EQTN: variants seen among roughly 807,000 people sequenced by gnomAD.
EQTN encodes the protein Acrosome formation associated factor.
A neutral mutation model predicts 26.9 loss-of-function variants in EQTN; 29 were observed. The ratio of observed to expected loss-of-function variants is 1.08; its 90% CI spans 0.80 to 1.47. EQTN has a LOEUF of 1.47. EQTN is among the 40% of genes most tolerant of loss of function. The pLI is 0.00. For missense variants in EQTN, 391 were observed against 346.1 expected (o/e 1.13, Z -1.03); for synonymous variants, 129 against 120.0 (o/e 1.07, Z -0.49).
At chr9:27,285,522 T>C (rs997430348) in intron 7 of EQTN, among the ~76,000 whole-genome samples, 2 of 152,192 alleles carry the variant, frequency 1.3e-5, no homozygotes, top group South Asian at 2.1e-4. Context: ...TATAAACCAA[T>C]TTACTAAAAC....
intron 7 of EQTN, among the ~76,000 whole-genome samples, chr9:27,285,644 G>A (rs10967860): frequency 0.3 from 45,778 of 152,024 alleles, 7,570 homozygotes; most frequent in African/African-American, 0.43. Flanking sequence ...TACACCATTC[G>A]TCAAAAACAG....
intron 6 of EQTN, among the ~76,000 whole-genome samples, chr9:27,288,353 T>C (rs1213602964): frequency 6.6e-6 from 1 of 152,098 alleles, no homozygotes; most frequent in Non-Finnish European, 1.5e-5. Flanking sequence ...TGATTGCTGG[T>C]GAGAATTCCA....
chr9:27,290,057 T>C (rs951808666), intron 5 of EQTN, among the ~76,000 whole-genome samples: 2 of 152,184 alleles, frequency 1.3e-5, no homozygotes, highest in South Asian at 4.1e-4. Context: ...ACTGAACTCA[T>C]AGAAAACAGC....
intron 2 of EQTN, 27 bp from the exon 3 acceptor site, chr9:27,294,429 C>T (rs372293257): frequency 3.5e-6 from 5 of 1,439,776 alleles, no homozygotes; most frequent in Non-Finnish European, 4.8e-6. Context: ...AAGTCTTCAG[C>T]AACTAGCTAA....
At chr9:27,296,930 G>A in intron 1 of EQTN, 50 bp downstream of exon 1, 1 of 1,596,282 alleles carries the variant, frequency 6.3e-7, no homozygotes. Flanking sequence ...ATGATTATGG[G>A]TCATCCTTCT....
At chr9:27,287,672 T>C (rs1258972858) in intron 6 of EQTN, among the ~76,000 whole-genome samples, 1 of 152,166 alleles carries the variant, frequency 6.6e-6, no homozygotes, top group Non-Finnish European at 1.5e-5. Context: ...AACAATAAAA[T>C]CAGTCAAGCT....
chr9:27,290,922 T>C (rs1437588632), intron 5 of EQTN, 97 bp downstream of exon 5: 2 of 955,758 alleles, frequency 2.1e-6, no homozygotes, highest in African/African-American at 1.7e-5. Flanking sequence ...TGTTGACTTA[T>C]TGTCTCAGTA....
At chr9:27,291,400 T>C (rs1563832217) in intron 4 of EQTN, among the ~76,000 whole-genome samples, 1 of 152,190 alleles carries the variant, frequency 6.6e-6, no homozygotes, top group Non-Finnish European at 1.5e-5. Flanking sequence ...GATGTTCCAA[T>C]ATAAGCTTAG....
At chr9:27,287,514 A>G (rs1312010700) in intron 6 of EQTN, among the ~76,000 whole-genome samples, 1 of 152,230 alleles carries the variant, frequency 6.6e-6, no homozygotes, top group Non-Finnish European at 1.5e-5. Context: ...AAGTGACAGA[A>G]AAGCTAGTTA....
At chr9:27,287,269 G>C (rs980365445) in intron 6 of EQTN, among the ~76,000 whole-genome samples, 1 of 152,140 alleles carries the variant, frequency 6.6e-6, no homozygotes, top group Non-Finnish European at 1.5e-5. Context: ...AATTATAATT[G>C]TCAGTGTGTG....
intron 2 of EQTN, chr9:27,294,635 C>CA (rs1406894976): frequency 9.9e-6 from 3 of 303,426 alleles, no homozygotes; most frequent in Non-Finnish European, 1.8e-5. Flanking sequence ...TTCCAAGAAG[C>CA]AATTTTTGGA....
intron 4 of EQTN, among the ~76,000 whole-genome samples, chr9:27,291,720 AT>A (rs377433963): frequency 5.3e-5 from 8 of 152,296 alleles, no homozygotes; most frequent in African/African-American, 1.9e-4. Context: ...ATCAAAAAAG[AT>A]TTTTTTCAGT....
At chr9:27,287,356 A>T (rs930625642) in intron 6 of EQTN, among the ~76,000 whole-genome samples, 1 of 152,224 alleles carries the variant, frequency 6.6e-6, no homozygotes, top group African/African-American at 2.4e-5. Flanking sequence ...GGGAATAATT[A>T]AACAAATTAC....
chr9:27,290,308 T>C (rs576893786), intron 5 of EQTN, among the ~76,000 whole-genome samples: 2 of 131,228 alleles, frequency 1.5e-5, no homozygotes, highest in African/African-American at 6.3e-5. Flanking sequence ...GAATATTGCC[T>C]TGTTCTACTT....
chr9:27,296,587 C>G (rs373647581), intron 2 of EQTN, 26 bp downstream of exon 2: 1 of 1,387,560 alleles, frequency 7.2e-7, no homozygotes, highest in Non-Finnish European at 1.0e-6. Flanking sequence ...TTTGCATATA[C>G]ATTTCTATTC....
intron 4 of EQTN, 60 bp from the exon 5 acceptor site, chr9:27,291,123 A>C: frequency 6.8e-7 from 1 of 1,464,318 alleles, no homozygotes; most frequent in Non-Finnish European, 9.3e-7. Context: ...TAACAAAATA[A>C]TTTAGTTTGA....
Position 27,294,319 on chromosome 9 carries a change from T to A in EQTN, c.286A>T (p.Asn96Tyr). ...ATTDLNFALK[N>Y]DKTVNATTYE... ...AATGGTGCCTTTCACTTCTTACCGT[T>A]TTTTAGAGCAAAATTCAGGTCAGTT... Residue 96 changes from asparagine to tyrosine, a missense_variant, in exon 3 of 8, where the codon AAC (asparagine) becomes TAC (tyrosine). By Grantham distance (143) the Asn-to-Tyr change is moderately radical. Coordinates refer to ENST00000380032, the MANE Select transcript of EQTN (RefSeq NM_020641.3). 6.2e-7 allele frequency: 1 copy of A among 1,608,108 alleles called. No homozygotes were observed. Among genetic ancestry groups the A allele is most frequent in the South Asian group, 1.1e-5 (1 of 89,876 alleles).
At chr9:27,293,614 G>A (rs1466119019) in intron 3 of EQTN, among the ~76,000 whole-genome samples, 1 of 152,208 alleles carries the variant, frequency 6.6e-6, no homozygotes, top group African/African-American at 2.4e-5. Context: ...GGGTCCTGCA[G>A]TCTGTACTCA....
At chr9:27,286,739 T>C (rs141556722) in intron 6 of EQTN, among the ~76,000 whole-genome samples, 238 of 152,334 alleles carry the variant, frequency 1.6e-3, no homozygotes, top group African/African-American at 5.1e-3. Context: ...AAGAGATTAT[T>C]ATTCAAAACG....
Sources: allele counts gnomAD v4.1 joint callset (sites outside exome capture counted in the v4.1 genomes callset), GRCh38; gene constraint gnomAD v4.1.1; transcripts MANE v1.5; gene names NCBI Gene and HGNC (gene_info 2026-07-23, HGNC 2026-07-21).